CNTNAP2: variants seen among roughly 807,000 people sequenced by gnomAD.
CNTNAP2 encodes contactin-associated protein-like 2.
A neutral mutation model predicts 155.2 loss-of-function variants in CNTNAP2; 98 were observed. The observed-to-expected ratio is 0.63, with a 90% confidence interval of 0.54 to 0.75. The LOEUF (loss-of-function observed/expected upper bound fraction) is 0.75, where lower values mean the gene tolerates loss of function less well. Ranked by LOEUF, CNTNAP2 falls within the 30% of genes least tolerant of loss-of-function variation. The pLI is 0.00. For missense variants in CNTNAP2, 1,727 were observed against 1,688.1 expected (o/e 1.02, Z -0.40); for synonymous variants, 651 against 631.2 (o/e 1.03, Z -0.47).
intron 1 of CNTNAP2, among the ~76,000 whole-genome samples, chr7:146,164,907 G>A (rs551914836): frequency 1.9e-4 from 29 of 152,178 alleles, no homozygotes; most frequent in Admixed American, 3.3e-4. Context: ...GAAGTTATTC[G>A]GAGTTTGAAA....
At chr7:147,000,463 G>T (rs1798399108) in intron 3 of CNTNAP2, among the ~76,000 whole-genome samples, 1 of 152,018 alleles carries the variant, frequency 6.6e-6, no homozygotes, top group African/African-American at 2.4e-5. Context: ...GTCATGTGCT[G>T]ATGTCTGCAT....
chr7:147,716,935 G>A (rs534915217), intron 13 of CNTNAP2, among the ~76,000 whole-genome samples: 3 of 152,186 alleles, frequency 2.0e-5, no homozygotes, highest in Non-Finnish European at 2.9e-5. Context: ...CTCAGCTTGA[G>A]GTGAACTTTA....
intron 1 of CNTNAP2, among the ~76,000 whole-genome samples, chr7:146,612,660 T>A (rs940557421): frequency 2.0e-5 from 3 of 151,980 alleles, no homozygotes; most frequent in Non-Finnish European, 4.4e-5. Context: ...CATTTATTTT[T>A]AAAACTTGGC....
chr7:147,857,142 T>C (rs1799053657), intron 13 of CNTNAP2, among the ~76,000 whole-genome samples: 1 of 152,218 alleles, frequency 6.6e-6, no homozygotes, highest in African/African-American at 2.4e-5. Context: ...CTTTTTATCT[T>C]GGTTAGTTTA....
At chr7:147,602,969 A>C (rs1042743050) in intron 12 of CNTNAP2, among the ~76,000 whole-genome samples, 2 of 152,138 alleles carry the variant, frequency 1.3e-5, no homozygotes, top group Non-Finnish European at 2.9e-5. Flanking sequence ...TGTATGTAGC[A>C]GCATGATTTA....
chr7:147,304,987 CAGAG>C (rs1292022420), intron 9 of CNTNAP2, among the ~76,000 whole-genome samples: 5 of 152,058 alleles, frequency 3.3e-5, no homozygotes, highest in Admixed American at 6.6e-5. Flanking sequence ...GAGAGAAAGA[CAGAG>C]AGCACACACT....
intron 1 of CNTNAP2, among the ~76,000 whole-genome samples, chr7:146,636,780 C>A (rs774571654): frequency 1.3e-5 from 2 of 152,204 alleles, no homozygotes; most frequent in African/African-American, 4.8e-5. Context: ...GACATTGAGA[C>A]CCTGCTCTGG....
In CNTNAP2 at chr7:146,121,119, C is replaced by CTTTT. The variant is rs745449281; in HGVS notation, c.97+4170_97+4173dup. On this transcript the variant is annotated intron_variant, in intron 1 of 23. Coordinates refer to ENST00000361727, the MANE Select transcript of CNTNAP2 (RefSeq NM_014141.6). ...TGTCTTAAAGTTTACATAAAGCTTC[C>CTTTT]TTTTTTTTTTTTTTTTTTTTTTTTT... Among the ~76,000 whole-genome samples the CTTTT allele has an allele frequency of 6.1e-4, 40 of 65,786 alleles. 3 individuals carry two copies. The highest frequency in any genetic ancestry group is 1.8e-3 in the African/African-American group (35 of 19,276). 43.2% of individuals were successfully genotyped at this position (65,786 alleles called of 152,430 possible).
At chr7:146,328,515 C>CTGTGTG (rs36098013) in intron 1 of CNTNAP2, among the ~76,000 whole-genome samples, 2,859 of 147,182 alleles carry the variant, frequency 0.019, 99 homozygotes, top group African/African-American at 0.068. Context: ...ACTTAGCGAC[C>CTGTGTG]TGTGTGTGTG....
chr7:146,476,626 A>T (rs1462239495), intron 1 of CNTNAP2, among the ~76,000 whole-genome samples: 1 of 152,218 alleles, frequency 6.6e-6, no homozygotes, highest in Non-Finnish European at 1.5e-5. Context: ...TAGAGTACAG[A>T]TGAAGATTCT....
At chr7:147,982,519 G>A (rs1190700916) in intron 15 of CNTNAP2, among the ~76,000 whole-genome samples, 2 of 152,210 alleles carry the variant, frequency 1.3e-5, no homozygotes, top group Non-Finnish European at 1.5e-5. Flanking sequence ...CAAGGCAGTA[G>A]TGACACATCT....
intron 1 of CNTNAP2, among the ~76,000 whole-genome samples, chr7:146,385,815 T>C (rs192913764): frequency 6.6e-6 from 1 of 152,338 alleles, no homozygotes; most frequent in Non-Finnish European, 1.5e-5. Flanking sequence ...GGTTGTTAAC[T>C]CTATCCTTCC....
chr7:147,410,061 C>T (rs1315136802), intron 10 of CNTNAP2, among the ~76,000 whole-genome samples: 1 of 152,140 alleles, frequency 6.6e-6, no homozygotes, highest in Non-Finnish European at 1.5e-5. Flanking sequence ...GGGTATGTAA[C>T]CAAAGAATAT....
intron 9 of CNTNAP2, among the ~76,000 whole-genome samples, chr7:147,362,829 T>C (rs1359905395): frequency 6.6e-6 from 1 of 152,174 alleles, no homozygotes; most frequent in Non-Finnish European, 1.5e-5. Context: ...ACTGGCATAA[T>C]TTTTGTATAT....
chr7:146,305,351 C>T (rs1013163869), intron 1 of CNTNAP2, among the ~76,000 whole-genome samples: 16 of 152,090 alleles, frequency 1.1e-4, no homozygotes, highest in African/African-American at 1.4e-4. Flanking sequence ...GGAGAAGAGG[C>T]GCTCTGATTT....
At chr7:146,596,688 T>TA (rs5888214) in intron 1 of CNTNAP2, among the ~76,000 whole-genome samples, 36,345 of 150,712 alleles carry the variant, frequency 0.24, 4,950 homozygotes, top group East Asian at 0.49. Context: ...TTCATCACTA[T>TA]AACAGTAGTT....
At chr7:147,074,251 T>C (rs751112420) in intron 4 of CNTNAP2, among the ~76,000 whole-genome samples, 24 of 152,212 alleles carry the variant, frequency 1.6e-4, no homozygotes, top group Non-Finnish European at 3.1e-4. Context: ...TGCTTGATAT[T>C]CTTGGATGGT....
At chr7:146,579,579 CG>C (rs1372486465) in intron 1 of CNTNAP2, among the ~76,000 whole-genome samples, 3 of 152,062 alleles carry the variant, frequency 2.0e-5, no homozygotes, top group Non-Finnish European at 4.4e-5. Context: ...ATCAGTCTAA[CG>C]GGTGCTCTGT....
chr7:147,508,775 C>G (rs927120280), intron 11 of CNTNAP2, among the ~76,000 whole-genome samples: 12 of 152,158 alleles, frequency 7.9e-5, no homozygotes, highest in Non-Finnish European at 1.3e-4. Context: ...CCCCTGCACA[C>G]TCTCTCTTGC....
Sources: gnomAD v4.1 joint callset for allele counts (sites outside exome capture counted in the v4.1 genomes callset) on GRCh38, gnomAD v4.1.1 for gene constraint, MANE v1.5 for transcripts, NCBI Gene and HGNC (gene_info 2026-07-23, HGNC 2026-07-21) for gene names.